SLC44A1: variants seen among roughly 807,000 people sequenced by gnomAD.
The protein encoded by SLC44A1 is choline transporter-like protein 1.
Under a neutral mutation model 79.3 loss-of-function variants are expected in SLC44A1, and 26 were observed. The ratio of observed to expected loss-of-function variants is 0.33; its 90% confidence interval spans 0.24 to 0.46. The LOEUF is 0.46. SLC44A1 is among the 20% of genes least tolerant of loss of function. SLC44A1 has a pLI of 1.00. For synonymous variants in SLC44A1, 263 were observed against 286.2 expected (o/e 0.92, Z 0.82); for missense variants, 688 against 798.1 (o/e 0.86, Z 1.66).
In SLC44A1 at chr9:105,308,311, T is replaced by C. The variant is rs189854665; in HGVS notation, c.127-1413T>C. ...GAGCTCTTACTATATGCCAGGCAGG[T>C]TTTTTACCACTTTACTGGATTACAT... On this transcript the variant is annotated intron_variant, in intron 2 of 15. Transcript: ENST00000374720. Among the ~76,000 whole-genome samples the C allele has an allele frequency of 7.2e-4, 109 of 152,264 alleles. 1 individual carries two copies. Among genetic ancestry groups the C allele is most frequent in the African/African-American group, 2.6e-3 (109 of 41,548 alleles).
intron 4 of SLC44A1, among the ~76,000 whole-genome samples, chr9:105,343,454 G>A (rs1458610954): frequency 1.3e-5 from 2 of 152,146 alleles, no homozygotes; most frequent in East Asian, 3.9e-4. Flanking sequence ...AGATTAATCA[G>A]TATCAATAGA....
At chr9:105,349,901 G>A (rs897515999) in intron 5 of SLC44A1, among the ~76,000 whole-genome samples, 6 of 152,110 alleles carry the variant, frequency 3.9e-5, no homozygotes, top group Admixed American at 1.3e-4. Context: ...ATCCTTCCCC[G>A]CCTCTGACCT....
intron 1 of SLC44A1, among the ~76,000 whole-genome samples, chr9:105,270,802 C>T (rs10820792): frequency 0.14 from 21,183 of 152,116 alleles, 1,929 homozygotes; most frequent in African/African-American, 0.25. Context: ...CTGCTGTATC[C>T]CCAGTGTTAG....
chr9:105,325,000 G>GT (rs1826526338), intron 3 of SLC44A1, among the ~76,000 whole-genome samples: 1 of 152,074 alleles, frequency 6.6e-6, no homozygotes, highest in African/African-American at 2.4e-5. Flanking sequence ...CCACTCCTTC[G>GT]TATCTACCCA....
At chr9:105,272,962 CATAT>C (rs3030588) in intron 1 of SLC44A1, among the ~76,000 whole-genome samples, 41 of 148,654 alleles carry the variant, frequency 2.8e-4, no homozygotes, top group African/African-American at 8.6e-4. Context: ...AATTTTCTTT[CATAT>C]ATATATATAT....
At chr9:105,305,187 C>T (rs547435421) in intron 2 of SLC44A1, among the ~76,000 whole-genome samples, 29 of 151,580 alleles carry the variant, frequency 1.9e-4, no homozygotes, top group African/African-American at 5.8e-4. Flanking sequence ...CCAAGCTGGT[C>T]TCAAACTCCT....
chr9:105,344,785 T>C (rs1198904224), intron 4 of SLC44A1, among the ~76,000 whole-genome samples: 1 of 152,072 alleles, frequency 6.6e-6, no homozygotes, highest in African/African-American at 2.4e-5. Context: ...AGATGATATA[T>C]AAACAAAAAA....
intron 1 of SLC44A1, among the ~76,000 whole-genome samples, chr9:105,295,584 T>C (rs986340815): frequency 8.5e-5 from 13 of 152,244 alleles, no homozygotes; most frequent in Non-Finnish European, 1.8e-4. Context: ...ACTTCATGGC[T>C]CATAACACAT....
intron 2 of SLC44A1, 22 bp from the exon 3 acceptor site, chr9:105,309,701 GT>G (rs1437104905): frequency 1.2e-6 from 2 of 1,611,294 alleles, no homozygotes; most frequent in Admixed American, 1.7e-5. Context: ...TTATTTGTAT[GT>G]TTTTTTCTGT....
intron 15 of SLC44A1, among the ~76,000 whole-genome samples, chr9:105,433,312 C>CA (rs2131527369): frequency 6.6e-6 from 1 of 152,048 alleles, no homozygotes; most frequent in South Asian, 2.1e-4. Context: ...AACAAACAAA[C>CA]AAACAAAAAA....
At chr9:105,328,974 G>T (rs890558868) in intron 3 of SLC44A1, among the ~76,000 whole-genome samples, 34 of 152,086 alleles carry the variant, frequency 2.2e-4, no homozygotes, top group African/African-American at 7.7e-4. Context: ...GGGGCATTTG[G>T]GTCCCACCCC....
intron 15 of SLC44A1, among the ~76,000 whole-genome samples, chr9:105,411,452 A>ATGTGTGTGTGTGTGTG (rs143819316): frequency 7.1e-5 from 9 of 127,552 alleles, no homozygotes; most frequent in African/African-American, 2.5e-4. Context: ...CTCTCTGTGT[A>ATGTGTGTGTGTGTGTG]TGTGTGTGTG....
At chr9:105,367,424 A>G (rs1827975014) in intron 12 of SLC44A1, among the ~76,000 whole-genome samples, 2 of 152,204 alleles carry the variant, frequency 1.3e-5, no homozygotes, top group Admixed American at 6.5e-5. Flanking sequence ...AATATTCCCT[A>G]TGGATGTACA....
intron 15 of SLC44A1, among the ~76,000 whole-genome samples, chr9:105,433,144 A>G (rs894944585): frequency 3.9e-5 from 6 of 152,038 alleles, no homozygotes; most frequent in Non-Finnish European, 7.4e-5. Flanking sequence ...AAAAATACAA[A>G]AATTAGCCGG....
At position 105,263,537 on chromosome 9, in the gene SLC44A1, A is replaced by ATTTT. The variant is rs1167076279; in HGVS notation, c.36+18646_36+18649dup. ...ATTTTTATCAGTTACACATGTGTGT[A>ATTTT]TTTTTTTTTTTTTTTTGAGATGGAA... On this transcript the variant is annotated intron_variant, in intron 1 of 15. Transcript: ENST00000374720. 2.2e-5 allele frequency among the ~76,000 whole-genome samples: 3 copies of ATTTT among 135,970 alleles called. 1 individual carries two copies. Among genetic ancestry groups the ATTTT allele is most frequent in the African/African-American group, 8.2e-5 (3 of 36,434 alleles). 89.2% of individuals were successfully genotyped at this position (135,970 alleles called of 152,430 possible).
At chr9:105,285,078 T>C (rs1457149465) in intron 1 of SLC44A1, among the ~76,000 whole-genome samples, 2 of 152,240 alleles carry the variant, frequency 1.3e-5, no homozygotes, top group Non-Finnish European at 2.9e-5. Context: ...GTAGCATGTG[T>C]GTATCATTAC....
chr9:105,433,698 G>A (rs538435968), intron 15 of SLC44A1, among the ~76,000 whole-genome samples: 3 of 139,698 alleles, frequency 2.1e-5, no homozygotes, highest in South Asian at 4.8e-4. Context: ...TACCCACCAA[G>A]CAGGAAACTG....
Position 105,395,172 on chromosome 9 carries a change from C to G in SLC44A1, c.*6116C>G. 1.0e-6 allele frequency: 1 copy of G among 985,386 alleles called. No individual in the cohort carries two copies. The highest frequency in any genetic ancestry group is 1.2e-6 in the Non-Finnish European group (1 of 829,942). The allele number at this position is 985,386 out of a possible 1,614,324, so 61.0% of individuals were successfully genotyped here. On this transcript the variant is annotated 3_prime_UTR_variant, in exon 16 of 16. Transcript: ENST00000374720. ...GGTGAAGAAAGGAGAAAAGTCAGCC[C>G]CCTACCCCACCCCACACTCCTAGAA... is the stretch of plus-strand genomic sequence containing the variant.
chr9:105,283,745 C>T (rs917999603), intron 1 of SLC44A1, among the ~76,000 whole-genome samples: 1 of 152,070 alleles, frequency 6.6e-6, no homozygotes, highest in South Asian at 2.1e-4. Flanking sequence ...TTTCTCATTC[C>T]ACCTTATGAG....
Sources: allele counts gnomAD v4.1 joint callset (sites outside exome capture counted in the v4.1 genomes callset), GRCh38; gene constraint gnomAD v4.1.1; transcripts MANE v1.5; gene names NCBI Gene and HGNC (gene_info 2026-07-23, HGNC 2026-07-21).